The following MGLL variants were observed in gnomAD, a reference collection of about 807,000 sequenced individuals.
MGLL encodes the protein lysophospholipase homolog.
Under a neutral mutation model 29.1 loss-of-function variants are expected in MGLL, and 7 were observed. The observed-to-expected ratio is 0.24, with a 90% confidence interval of 0.14 to 0.45. MGLL has a LOEUF of 0.45. Ranked by LOEUF, MGLL falls within the 20% of genes least tolerant of loss-of-function variation. MGLL has a pLI of 0.99. For synonymous variants in MGLL, 148 were observed against 168.3 expected (o/e 0.88, Z 0.93); for missense variants, 356 against 413.6 (o/e 0.86, Z 1.21).
chr3:127,745,449 G>A (rs1051902884), intron 3 of MGLL, among the ~76,000 whole-genome samples: 13 of 152,180 alleles, frequency 8.5e-5, no homozygotes, highest in Admixed American at 6.5e-4. Flanking sequence ...CTTAGGCACA[G>A]AAAGTCAAAC....
chr3:127,796,049 C>T (rs1576301365), intron 2 of MGLL, among the ~76,000 whole-genome samples: 1 of 152,294 alleles, frequency 6.6e-6, no homozygotes, highest in East Asian at 1.9e-4. Context: ...CAACACTTTG[C>T]AGTGAGGGTG....
intron 3 of MGLL, among the ~76,000 whole-genome samples, chr3:127,724,994 C>T (rs1239394184): frequency 6.6e-6 from 1 of 152,100 alleles, no homozygotes; most frequent in South Asian, 2.1e-4. Flanking sequence ...CCCCATCCTC[C>T]CTCCTTCATC....
rs535085503 is a variant in MGLL at position 127,733,448 on chromosome 3, C to G, written c.263-10882G>C. On this transcript the variant is annotated intron_variant, in intron 3 of 7. Coordinates refer to ENST00000265052, the MANE Select transcript of MGLL (RefSeq NM_007283.7). ...TACTCTATGGACTCCCTCTAAATTC[C>G]TTCTTGCTTAAGATCCAGGAACCCT... Among the ~76,000 whole-genome samples the G allele has an allele frequency of 1.0e-3, 154 of 152,184 alleles. 1 individual carries two copies. Among genetic ancestry groups the G allele is most frequent in the Non-Finnish European group, 1.5e-3 (104 of 68,040 alleles).
rs1428534597 is a variant in MGLL, at chr3:127,721,115, C to T, written c.448G>A (p.Ala150Thr). ...LTAAERPGHF[A>T]GMVLISPLVL... ...AGAGGCGAAATGAGTACCATGCCGG[C>T]GAAGTGGCCCGGCCTCTCTGCGGCC... Residue 150 changes from alanine (A) to threonine (T), a missense_variant, in exon 5 of 8, where the codon GCC becomes ACC. Transcript: ENST00000265052. The T allele has an allele frequency of 4.3e-6, 7 of 1,614,202 alleles. No homozygotes were observed. The highest frequency in any genetic ancestry group is 2.7e-5 in the African/African-American group (2 of 75,050).
intron 2 of MGLL, among the ~76,000 whole-genome samples, chr3:127,815,066 T>C (rs1322017663): frequency 1.3e-5 from 2 of 152,214 alleles, no homozygotes; most frequent in Non-Finnish European, 2.9e-5. Context: ...CACTTTTTTT[T>C]CCTCCTTGTG....
At chr3:127,786,744 C>T (rs1559969954) in intron 2 of MGLL, among the ~76,000 whole-genome samples, 2 of 152,246 alleles carry the variant, frequency 1.3e-5, no homozygotes, top group Non-Finnish European at 2.9e-5. Flanking sequence ...GGGGATAATC[C>T]TAACACCACC....
intron 3 of MGLL, among the ~76,000 whole-genome samples, chr3:127,779,664 T>C (rs569351023): frequency 7.2e-5 from 11 of 152,194 alleles, no homozygotes; most frequent in Admixed American, 1.3e-4. Flanking sequence ...CTATAATGCA[T>C]TGAGCAACGA....
At chr3:127,740,702 C>A (rs568874751) in intron 3 of MGLL, among the ~76,000 whole-genome samples, 66 of 152,278 alleles carry the variant, frequency 4.3e-4, no homozygotes, top group Middle Eastern at 3.4e-3. Context: ...GTCACCAGTG[C>A]GGGGACAATG....
chr3:127,710,638 C>T lies in MGLL; in HGVS notation c.538G>A (p.Val180Met). 1 of 1,573,416 alleles carries T rather than the reference C, an allele frequency of 6.4e-7. No homozygotes were observed. The highest frequency in any genetic ancestry group is 1.2e-5 in the South Asian group (1 of 85,684). The stretch of plus-strand genomic sequence containing the variant: ...GGCCCGAGGGACAAGTTTGGCAGCA[C>T]AAGGTTGAGCACTTTCGCAGCAAGG... ...KVLAAKVLNLVLPNLSLGPID... is the reference protein window; with the variant it reads ...KVLAAKVLNLMLPNLSLGPID... The change falls in exon 6 of 8, where the codon GTG becomes ATG. Residue 180 changes from valine (V) to methionine (M), a missense_variant. By Grantham distance (21) the Val-to-Met change is conservative. Transcript: ENST00000265052.
intron 2 of MGLL, among the ~76,000 whole-genome samples, chr3:127,815,526 C>A (rs767171074): frequency 6.6e-6 from 1 of 152,238 alleles, no homozygotes; most frequent in Non-Finnish European, 1.5e-5. Flanking sequence ...CTTTGCCTTG[C>A]GCCTATATTA....
chr3:127,721,152 G>A lies in MGLL; in HGVS notation c.411C>T (p.Ile137=), dbSNP rs551038556. 83 of 1,614,168 alleles carry A rather than the reference G, an allele frequency of 5.1e-5. 1 individual carries two copies. The South Asian group carries it at 7.5e-4, about 15-fold the overall frequency. ...GCCTCTCTGCGGCCGTGAGGATGGC[G>A]ATGGCGCCTCCCTGTAATGCAGAAT... ...FLLGHSMGGA[I]AILTAAERPG... Residue 137 remains isoleucine (I), a synonymous_variant, in exon 5 of 8, where the codon ATC becomes ATT. Transcript: ENST00000265052.
chr3:127,806,857 T>A (rs976369408), intron 2 of MGLL, among the ~76,000 whole-genome samples: 12 of 152,152 alleles, frequency 7.9e-5, no homozygotes, highest in African/African-American at 2.2e-4. Flanking sequence ...TGAAATCCCA[T>A]CTCTACTAAA....
Position 127,810,741 on chromosome 3 carries a change from G to A in MGLL, c.155+10953C>T, listed in dbSNP as rs557422535. ...AGAGGTCAGAAGTGAAAGGGGCCAC[G>A]TCTCCATGCTGTTTGTGGACCCTCC... On this transcript the variant is annotated intron_variant, in intron 2 of 7. Transcript: ENST00000265052. Among the ~76,000 whole-genome samples, 11 of 152,322 alleles carry A rather than the reference G, an allele frequency of 7.2e-5. No homozygotes were observed. The South Asian group carries it at 1.5e-3, about 20-fold the overall frequency.
At chr3:127,758,013 T>G (rs985868693) in intron 3 of MGLL, among the ~76,000 whole-genome samples, 5 of 152,202 alleles carry the variant, frequency 3.3e-5, no homozygotes, top group African/African-American at 1.2e-4. Context: ...GGGCCCTGTG[T>G]GGCCAGCTGC....
At chr3:127,718,184 G>A (rs1033565552) in intron 5 of MGLL, among the ~76,000 whole-genome samples, 8 of 152,154 alleles carry the variant, frequency 5.3e-5, no homozygotes, top group African/African-American at 1.9e-4. Flanking sequence ...TCTTCCACAG[G>A]CCAGACTGTA....
chr3:127,796,339 C>T (rs1379173737), intron 2 of MGLL, among the ~76,000 whole-genome samples: 1 of 152,194 alleles, frequency 6.6e-6, no homozygotes, highest in Admixed American at 6.5e-5. Context: ...TTCTGAGAAG[C>T]TTCAATTCAC....
At chr3:127,694,934 C>T (rs761750487) in intron 7 of MGLL, 41 bp downstream of exon 7, 3 of 1,597,820 alleles carry the variant, frequency 1.9e-6, no homozygotes, top group Non-Finnish European at 1.7e-6. Context: ...TCCTGTCCCC[C>T]CTCCACCTTG....
At chr3:127,726,722 G>A (rs546867538) in intron 3 of MGLL, among the ~76,000 whole-genome samples, 12 of 152,140 alleles carry the variant, frequency 7.9e-5, no homozygotes, top group East Asian at 3.9e-4. Context: ...GAGCCACCGC[G>A]CCTGGCCTAC....
intron 2 of MGLL, among the ~76,000 whole-genome samples, chr3:127,819,797 A>G (rs372127467): frequency 2.6e-5 from 4 of 152,106 alleles, no homozygotes; most frequent in East Asian, 3.9e-4. Context: ...ATGAAGATAC[A>G]GAGGTGTTTC....
Sources: allele counts gnomAD v4.1 joint callset (sites outside exome capture counted in the v4.1 genomes callset), GRCh38; gene constraint gnomAD v4.1.1; transcripts MANE v1.5; gene names NCBI Gene and HGNC (gene_info 2026-07-23, HGNC 2026-07-21).